Variants in MICAL2 observed in about 807,000 individuals in gnomAD.
MICAL2 encodes [F-actin]-monooxygenase MICAL2.
A neutral mutation model predicts 127.3 loss-of-function variants in MICAL2; 77 were observed. That is an observed-to-expected ratio of 0.60 (90% confidence interval 0.50 to 0.73). The LOEUF (loss-of-function observed/expected upper bound fraction) is 0.73, where lower values mean the gene tolerates loss of function less well. Among genes scored for constraint, MICAL2 ranks in the 30% least tolerant of loss-of-function variants. The pLI is 0.00. For synonymous variants in MICAL2, 570 were observed against 551.1 expected, an observed-to-expected ratio of 1.03 and a Z score of -0.48; for missense variants, 1,351 against 1,434.4, an observed-to-expected ratio of 0.94 and a Z score of 0.94.
chr11:12,171,178 A>G (rs1856211865), intron 3 of MICAL2, among the ~76,000 whole-genome samples: 1 of 152,196 alleles, frequency 6.6e-6, no homozygotes, highest in Non-Finnish European at 1.5e-5. Flanking sequence ...AGAGACGGGA[A>G]GTTAGCCAAT....
intron 7 of MICAL2, among the ~76,000 whole-genome samples, chr11:12,215,008 C>A (rs908387588): frequency 6.6e-6 from 1 of 152,196 alleles, no homozygotes; most frequent in South Asian, 2.1e-4. Context: ...ACTGCACAAC[C>A]CTCTCAGTTT....
chr11:12,280,175 T>C (rs913108775), intron 1 of MICAL2, among the ~76,000 whole-genome samples: 2 of 151,274 alleles, frequency 1.3e-5, no homozygotes, highest in Non-Finnish European at 2.9e-5. Context: ...CCAGGTAGAA[T>C]TTTCCATTCC....
At chr11:12,190,354 CA>C (rs1858937004) in intron 3 of MICAL2, among the ~76,000 whole-genome samples, 2 of 152,110 alleles carry the variant, frequency 1.3e-5, no homozygotes, top group Non-Finnish European at 2.9e-5. Flanking sequence ...GATGTGTATC[CA>C]ACCCCCAGAA....
intron 32 of MICAL2, among the ~76,000 whole-genome samples, chr11:12,346,259 T>G (rs10831798): frequency 2.6e-5 from 4 of 151,978 alleles, no homozygotes; most frequent in African/African-American, 9.7e-5. Flanking sequence ...TTCTACCATG[T>G]GTATTGTATG....
upstream of MICAL2, among the ~76,000 whole-genome samples, chr11:12,275,339 G>T (rs1863713874): frequency 6.6e-6 from 1 of 152,196 alleles, no homozygotes; most frequent in African/African-American, 2.4e-5. Flanking sequence ...TAGAAATCTG[G>T]GGGTCATTGT....
At chr11:12,273,132 C>T (rs193282027), upstream of MICAL2, among the ~76,000 whole-genome samples, 10 of 152,334 alleles carry the variant, frequency 6.6e-5, no homozygotes, top group East Asian at 5.8e-4. Context: ...CTCACAGACA[C>T]GCAGACTGAT....
At chr11:12,316,881 C>T (rs1864238243) in intron 29 of MICAL2, among the ~76,000 whole-genome samples, 2 of 152,102 alleles carry the variant, frequency 1.3e-5, no homozygotes, top group South Asian at 4.2e-4. Context: ...CTATAATAAC[C>T]TTTACTCTAG....
In MICAL2 at chr11:12,239,478, T is replaced by C. The variant is rs1859564101; in HGVS notation, c.2107T>C (p.Cys703Arg). 6.2e-7 allele frequency: 1 copy of C among 1,613,782 alleles called. No individual in the cohort carries two copies. Among genetic ancestry groups the C allele is most frequent in the African/African-American group, 1.3e-5 (1 of 74,810 alleles). ...SSRSLGSNQE[C>R]GSSKEGGNQN... ...CCGTAGCTTGGGCTCCAATCAAGAG[T>C]GTGGGAGCAGTAAGGAAGGTGGAAA... Residue 703 changes from cysteine (C) to arginine (R), a missense_variant, in exon 17 of 28, where the codon TGT (cysteine) becomes CGT (arginine). Around this residue, in one of 2 missense-constraint regions of MICAL2, gnomAD observed 752 missense variants for 719.4 expected, o/e 1.05. Coordinates refer to ENST00000683283, the MANE Select transcript of MICAL2 (RefSeq NM_001282663.2).
At chr11:12,358,160 G>A in intron 34 of MICAL2, 1 of 856,228 alleles carries the variant, frequency 1.2e-6, no homozygotes, top group Non-Finnish European at 1.8e-6. Flanking sequence ...GTTCCTTGGT[G>A]TTAAATTCAT....
intron 4 of MICAL2, among the ~76,000 whole-genome samples, chr11:12,206,984 G>A (rs1375853137): frequency 6.6e-6 from 1 of 151,668 alleles, no homozygotes; most frequent in Non-Finnish European, 1.5e-5. Context: ...CGTAGACTTG[G>A]TCCATGCTTT....
At chr11:12,309,972 G>A (rs986269478) in intron 29 of MICAL2, among the ~76,000 whole-genome samples, 2 of 152,154 alleles carry the variant, frequency 1.3e-5, no homozygotes, top group African/African-American at 4.8e-5. Flanking sequence ...CCACTTGTAT[G>A]TCTTCTTTTA....
At chr11:12,341,298 T>A (rs1283844765) in intron 32 of MICAL2, among the ~76,000 whole-genome samples, 1 of 151,974 alleles carries the variant, frequency 6.6e-6, no homozygotes, top group African/African-American at 2.4e-5. Context: ...CAGCGAACAC[T>A]GAATTAGGAC....
chr11:12,354,296 G>GT lies in MICAL2; in HGVS notation c.5616-487dup, dbSNP rs1353206746. On this transcript the variant is annotated intron_variant, in intron 33 of 34. Transcript: ENST00000646065. ...GTTCGAGACCAGCCTGGCCAACAGG[G>GT]TGAAACCCTGTCTCTACTAAAAAGA... 2.0e-5 allele frequency among the ~76,000 whole-genome samples: 3 copies of GT among 152,202 alleles called. No individual in the cohort carries two copies. In the East Asian group the frequency reaches 5.8e-4, roughly 29 times the overall value.
chr11:12,143,250 G>A (rs904982966), intron 2 of MICAL2, among the ~76,000 whole-genome samples: 2 of 152,202 alleles, frequency 1.3e-5, no homozygotes, highest in Non-Finnish European at 2.9e-5. Context: ...GCCTGATTTG[G>A]TGTTTAGAAG....
intron 1 of MICAL2, among the ~76,000 whole-genome samples, chr11:12,114,830 C>T (rs189441573): frequency 1.3e-5 from 2 of 152,236 alleles, no homozygotes; most frequent in Admixed American, 6.5e-5. Context: ...GCTGCTCCCC[C>T]TCACTGTGCT....
chr11:12,167,652 G>C (rs1855675722), intron 3 of MICAL2, among the ~76,000 whole-genome samples: 2 of 152,174 alleles, frequency 1.3e-5, no homozygotes, highest in South Asian at 4.1e-4. Flanking sequence ...ATGGTCCCTG[G>C]GGTGTGAAAC....
intron 24 of MICAL2, 100 bp downstream of exon 24, chr11:12,257,071 C>G: frequency 3.2e-6 from 4 of 1,264,252 alleles, no homozygotes; most frequent in Non-Finnish European, 4.3e-6. Context: ...GACACCCAAA[C>G]ATACCCAAAA....
intron 29 of MICAL2, among the ~76,000 whole-genome samples, chr11:12,304,188 C>T (rs1312140566): frequency 6.6e-6 from 1 of 151,962 alleles, no homozygotes; most frequent in Non-Finnish European, 1.5e-5. Flanking sequence ...TTCTATTGGA[C>T]AACACTGTTA....
intron 9 of MICAL2, 36 bp downstream of exon 9, chr11:12,220,494 C>A (rs376263912): frequency 1.3e-6 from 2 of 1,593,712 alleles, no homozygotes; most frequent in Non-Finnish European, 1.7e-6. Flanking sequence ...TGTTTCTCTG[C>A]GAGACAGATC....
Sources: gnomAD v4.1 joint callset for allele counts (sites outside exome capture counted in the v4.1 genomes callset) on GRCh38, gnomAD v4.1.1 for gene constraint, gnomAD v4.1.1 regional missense constraint, MANE v1.5 for transcripts, NCBI Gene and HGNC (gene_info 2026-07-23, HGNC 2026-07-21) for gene names.